The following EFCAB6 variants were observed in gnomAD, a reference collection of about 807,000 sequenced individuals.
EFCAB6 encodes the protein EF-hand calcium binding domain 6.
In EFCAB6, 156 loss-of-function variants were observed where a neutral mutation model predicts 169.8. That is an observed-to-expected ratio of 0.92 (90% confidence interval 0.81 to 1.05). The LOEUF (loss-of-function observed/expected upper bound fraction) is 1.05. EFCAB6 is among the 50% of genes least tolerant of loss of function. The probability of loss-of-function intolerance (pLI) is 0.00; values close to 1 mark genes in which losing one functional copy is unlikely to be tolerated. For synonymous variants in EFCAB6, 698 were observed against 676.4 expected (o/e 1.03, Z -0.50); for missense variants, 1,800 against 1,829.1 (o/e 0.98, Z 0.29).
chr22:43,757,165 T>C (rs1569473632), intron 5 of EFCAB6, among the ~76,000 whole-genome samples: 1 of 152,362 alleles, frequency 6.6e-6, no homozygotes, highest in East Asian at 1.9e-4. Flanking sequence ...GGAATTCAAA[T>C]CTATAATGCT....
chr22:43,579,510 G>T (rs1038805636), intron 25 of EFCAB6, among the ~76,000 whole-genome samples: 5 of 149,202 alleles, frequency 3.4e-5, no homozygotes, highest in African/African-American at 1.3e-4. Context: ...TTACCTGCAA[G>T]CATCATTCCA....
rs149044202 is a variant in EFCAB6, at chr22:43,742,751, C to T, written c.508-6758G>A. ...CTCAGGGCCATATGCTAGCCCTGTG[C>T]GTGAGCAGGTGCTGCCCTCCCGGCA... On this transcript the variant is annotated intron_variant, in intron 6 of 31. Coordinates refer to ENST00000262726, the MANE Select transcript of EFCAB6 (RefSeq NM_022785.4). Among the ~76,000 whole-genome samples, 131 of 152,382 alleles carry T rather than the reference C, an allele frequency of 8.6e-4. No homozygotes were observed. In the East Asian group the frequency reaches 0.019, roughly 22 times the overall value.
intron 2 of EFCAB6, among the ~76,000 whole-genome samples, chr22:43,784,718 C>CACACACATAT (rs1256297031): frequency 1.8e-5 from 2 of 112,184 alleles, no homozygotes; most frequent in African/African-American, 6.9e-5. Context: ...CACACACACA[C>CACACACATAT]ATATATATAT....
At chr22:43,558,446 CA>C in intron 26 of EFCAB6, among the ~76,000 whole-genome samples, 1 of 152,026 alleles carries the variant, frequency 6.6e-6, no homozygotes, top group East Asian at 1.9e-4. Context: ...TTGTGCTTTG[CA>C]GATATTGTGT....
At chr22:43,701,347 A>G (rs980121418) in intron 10 of EFCAB6, among the ~76,000 whole-genome samples, 3 of 152,250 alleles carry the variant, frequency 2.0e-5, no homozygotes, top group African/African-American at 2.4e-5. Context: ...ATTATTAGTC[A>G]TAAGTCCTCA....
At chr22:43,759,154 A>C (rs2061061927) in intron 5 of EFCAB6, 1 of 152,230 alleles carries the variant, frequency 6.6e-6, no homozygotes, top group South Asian at 2.1e-4. Context: ...AGTCAGCTAG[A>C]CCTGCCTAAA....
chr22:43,666,379 G>A (rs895247447), intron 17 of EFCAB6, among the ~76,000 whole-genome samples: 1 of 152,126 alleles, frequency 6.6e-6, no homozygotes, highest in African/African-American at 2.4e-5. Flanking sequence ...TCCAATGTCC[G>A]GCAGTGGGGC....
At chr22:43,782,065 A>T in intron 3 of EFCAB6, 115 bp downstream of exon 3, 1 of 1,059,528 alleles carries the variant, frequency 9.4e-7, no homozygotes, top group Non-Finnish European at 1.3e-6. Flanking sequence ...CCTAATTCAT[A>T]GAGTTATTGT....
At chr22:43,626,315 T>C in intron 20 of EFCAB6, 132 bp downstream of exon 20, 1 of 916,262 alleles carries the variant, frequency 1.1e-6, no homozygotes, top group East Asian at 2.6e-5. Context: ...TATGACTTTT[T>C]CTGAACCAAG....
intron 17 of EFCAB6, among the ~76,000 whole-genome samples, chr22:43,640,409 G>T (rs557736710): frequency 1.3e-5 from 2 of 152,284 alleles, no homozygotes; most frequent in South Asian, 2.1e-4. Flanking sequence ...TTAAATTTCA[G>T]TTCAGTTCTT....
Position 43,615,036 on chromosome 22 carries a change from C to T in EFCAB6, c.2562+790G>A, listed in dbSNP as rs1018595827. Among the ~76,000 whole-genome samples the T allele has an allele frequency of 4.6e-5, 7 of 152,204 alleles. 1 individual carries two copies. In the East Asian group the frequency reaches 7.7e-4, roughly 17 times the overall value. ...CAGTCCCTGGAGGTTAGCAGGACTT[C>T]AAAGACAAAATTCTTTTCACACTGG... is the stretch of plus-strand genomic sequence containing the variant. On this transcript the variant is annotated intron_variant, in intron 21 of 31. Coordinates refer to ENST00000262726, the MANE Select transcript of EFCAB6 (RefSeq NM_022785.4).
intron 21 of EFCAB6, among the ~76,000 whole-genome samples, chr22:43,610,974 T>C (rs767805904): frequency 3.9e-5 from 6 of 152,208 alleles, no homozygotes; most frequent in Non-Finnish European, 7.3e-5. Flanking sequence ...CACAATTTAC[T>C]GGGACAGACA....
At chr22:43,724,824 C>T (rs2059666504) in intron 8 of EFCAB6, among the ~76,000 whole-genome samples, 1 of 152,230 alleles carries the variant, frequency 6.6e-6, no homozygotes, top group Non-Finnish European at 1.5e-5. Flanking sequence ...TAGCCTGCTC[C>T]TCCAAATACT....
At chr22:43,557,911 G>A (rs1884762402) in intron 26 of EFCAB6, among the ~76,000 whole-genome samples, 2 of 152,074 alleles carry the variant, frequency 1.3e-5, no homozygotes, top group Non-Finnish European at 2.9e-5. Flanking sequence ...AGATAGCAGA[G>A]GCATTTGACA....
intron 10 of EFCAB6, among the ~76,000 whole-genome samples, chr22:43,699,483 C>T (rs1256848984): frequency 6.6e-6 from 1 of 152,184 alleles, no homozygotes; most frequent in East Asian, 1.9e-4. Context: ...CTTGAACCTG[C>T]CTTCGCTTGG....
chr22:43,721,047 T>C (rs1280485383), intron 8 of EFCAB6, among the ~76,000 whole-genome samples: 1 of 152,118 alleles, frequency 6.6e-6, no homozygotes, highest in Non-Finnish European at 1.5e-5. Flanking sequence ...ACAAAATCAA[T>C]GTACAAAAAT....
At chr22:43,561,356 C>CAAA (rs768942774) in intron 26 of EFCAB6, among the ~76,000 whole-genome samples, 1 of 112,146 alleles carries the variant, frequency 8.9e-6, no homozygotes, top group Non-Finnish European at 1.9e-5. Context: ...GACTCTGTCT[C>CAAA]AAAAAAAAAA....
At chr22:43,750,867 A>G (rs2060734239) in intron 6 of EFCAB6, among the ~76,000 whole-genome samples, 1 of 152,242 alleles carries the variant, frequency 6.6e-6, no homozygotes, top group Non-Finnish European at 1.5e-5. Context: ...AGAGCAAGCC[A>G]GCAGCTCAGC....
At chr22:43,591,097 GTTTTTTGTTTTTTGTTTTTT>G (rs1286274930) in intron 23 of EFCAB6, among the ~76,000 whole-genome samples, 7 of 99,386 alleles carry the variant, frequency 7.0e-5, no homozygotes, top group African/African-American at 1.2e-4. Flanking sequence ...TGTTGTTGTT[GTTTTTTGTTTTTTGTTTTTT>G]TTTTTTGTTT....
Sources: gnomAD v4.1 joint callset for allele counts (sites outside exome capture counted in the v4.1 genomes callset) on GRCh38, gnomAD v4.1.1 for gene constraint, MANE v1.5 for transcripts, NCBI Gene and HGNC (gene_info 2026-07-23, HGNC 2026-07-21) for gene names.